DHX57: variants seen among roughly 807,000 people sequenced by gnomAD.
DHX57 encodes the protein putative ATP-dependent RNA helicase DHX57.
Under a neutral mutation model 156.2 loss-of-function variants are expected in DHX57, and 105 were observed. That is an observed-to-expected ratio of 0.67 (90% confidence interval 0.57 to 0.79). DHX57 has a LOEUF of 0.79. Among genes scored for constraint, DHX57 ranks in the 30% least tolerant of loss-of-function variants. The pLI is 0.00. For synonymous variants in DHX57, 704 were observed against 595.6 expected (o/e 1.18, Z -2.65); for missense variants, 1,847 against 1,661.9 (o/e 1.11, Z -1.94).
At chr2:38,810,653 G>T in intron 21 of DHX57, 1 of 674,646 alleles carries the variant, frequency 1.5e-6, no homozygotes, top group Non-Finnish European at 2.8e-6. Context: ...ACTCGGTCCT[G>T]GGACTTGGCA....
chr2:38,855,217 A>T lies in DHX57; in HGVS notation c.1745T>A (p.Leu582Gln). The change falls in exon 8 of 24, where the codon CTG (leucine) becomes CAG (glutamine). Residue 582 changes from leucine (L) to glutamine (Q), a missense_variant. By Grantham distance (113) the Leu-to-Gln change is moderately radical. Coordinates refer to ENST00000457308, the MANE Select transcript of DHX57 (RefSeq NM_198963.3). ...AGGTGGTCCATTCAGAGAATCATCC[A>T]GAATAAACTGCGGAATTTGTGTGGT... ...GKTTQIPQFI[L>Q]DDSLNGPPEK... is the part of the protein sequence containing the mutation. 6.2e-7 allele frequency: 1 copy of T among 1,614,218 alleles called. No individual in the cohort carries two copies. Among genetic ancestry groups the T allele is most frequent in the South Asian group, 1.1e-5 (1 of 91,086 alleles).
intron 21 of DHX57, 96 bp from the exon 22 acceptor site, chr2:38,806,789 T>C (rs1669961191): frequency 5.6e-6 from 7 of 1,256,496 alleles, no homozygotes; most frequent in Non-Finnish European, 7.6e-6. Flanking sequence ...TCTTGCTCAG[T>C]CTTGCTTGAA....
chr2:38,847,119 C>T (rs1672330055), intron 10 of DHX57, 46 bp from the exon 11 acceptor site: 1 of 1,455,056 alleles, frequency 6.9e-7, no homozygotes. Context: ...AACACCCATT[C>T]AACCATCTTG....
Position 38,869,659 on chromosome 2 carries a change from A to C in DHX57, c.-6-1248T>G, listed in dbSNP as rs950837153. ...CGTAGGAGGGAAATAGACTTCACTAAAATATTCTAGCCAGTCACTAAAAAT... is the reference window on the plus strand; with the variant it reads ...CGTAGGAGGGAAATAGACTTCACTACAATATTCTAGCCAGTCACTAAAAAT... On this transcript the variant is annotated intron_variant, in intron 1 of 23. Coordinates refer to ENST00000457308, the MANE Select transcript of DHX57 (RefSeq NM_198963.3). Among the ~76,000 whole-genome samples the C allele has an allele frequency of 2.6e-5, 4 of 152,270 alleles. No individual in the cohort carries two copies. In the South Asian group the frequency reaches 8.3e-4, roughly 31 times the overall value.
Position 38,855,165 on chromosome 2 carries a change from G to A in DHX57, c.1797C>T (p.Thr599=), listed in dbSNP as rs1274523918. The change falls in exon 8 of 24, where the codon ACC becomes ACT. Residue 599 remains threonine, a synonymous_variant. Coordinates refer to ENST00000457308, the MANE Select transcript of DHX57 (RefSeq NM_198963.3). ...AGATTGCAGAGATTCGTCGGGGTTGGGTACAGATGATGTTGGCTACCTTCT... is the reference window on the plus strand; with the variant it reads ...AGATTGCAGAGATTCGTCGGGGTTGAGTACAGATGATGTTGGCTACCTTCT... ...PPEKVANIIC[T]QPRRISAISV... 2 of 1,613,986 alleles carry A rather than the reference G, an allele frequency of 1.2e-6. No homozygotes were observed. The highest frequency in any genetic ancestry group is 4.5e-5 in the East Asian group (2 of 44,858).
chr2:38,840,368 T>C (rs1461136037), intron 12 of DHX57, among the ~76,000 whole-genome samples: 3 of 151,212 alleles, frequency 2.0e-5, no homozygotes, highest in Non-Finnish European at 4.4e-5. Context: ...AACATTGAGA[T>C]CAACAAATTC....
At chr2:38,832,324 C>CA (rs1341194420) in intron 13 of DHX57, among the ~76,000 whole-genome samples, 1 of 151,854 alleles carries the variant, frequency 6.6e-6, no homozygotes, top group African/African-American at 2.4e-5. Flanking sequence ...CCTGTAGTCC[C>CA]AGCTACACGG....
chr2:38,813,973 T>C lies in DHX57; in HGVS notation c.3607-78A>G. On this transcript the variant is annotated intron_variant, in intron 20 of 23. Coordinates refer to ENST00000457308, the MANE Select transcript of DHX57 (RefSeq NM_198963.3). Reference sequence around the variant, plus strand: ...TTCTTTTTGAGATGGAGTCTTGCTCTGTCACCCAGGCAAGTGTGCAGTGGC... The same window carrying C: ...TTCTTTTTGAGATGGAGTCTTGCTCCGTCACCCAGGCAAGTGTGCAGTGGC... 4 of 1,517,262 alleles carry C rather than the reference T, an allele frequency of 2.6e-6. No homozygotes were observed. The South Asian group carries it at 4.5e-5, about 17-fold the overall frequency. 94.0% of individuals were successfully genotyped at this position (1,517,262 alleles called of 1,614,324 possible). A position where few individuals can be genotyped will look rare whatever the true frequency, so the allele number is the denominator to read the frequency against.
intron 12 of DHX57, 143 bp from the exon 13 acceptor site, chr2:38,838,090 A>G (rs1057002646): frequency 6.3e-6 from 4 of 630,538 alleles, no homozygotes; most frequent in Non-Finnish European, 5.6e-6. Context: ...AATGTACTGA[A>G]ATGAACTTTT....
Position 38,813,877 on chromosome 2 carries a change from T to C in DHX57, c.3625A>G (p.Asn1209Asp). Reference protein sequence around the residue: ...TGEEANSNAENPKLISAMLCA... With the variant: ...TGEEANSNAEDPKLISAMLCA... ...AGCATTGCTGATATCAGCTTGGGGTTCTCAGCATTTGAGTTTGCCTATGAG... is the reference window on the plus strand; with the variant it reads ...AGCATTGCTGATATCAGCTTGGGGTCCTCAGCATTTGAGTTTGCCTATGAG... Residue 1209 changes from asparagine to aspartate, a missense_variant, in exon 21 of 24, where the codon AAC (asparagine) becomes GAC (aspartate). Asn to Asp is a conservative substitution (Grantham distance 23, BLOSUM62 1). Coordinates refer to ENST00000457308, the MANE Select transcript of DHX57 (RefSeq NM_198963.3). The C allele has an allele frequency of 6.2e-7, 1 of 1,613,494 alleles. No homozygotes were observed. Among genetic ancestry groups the C allele is most frequent in the Non-Finnish European group, 8.5e-7 (1 of 1,179,522 alleles).
chr2:38,821,033 T>C (rs956077233), intron 17 of DHX57, among the ~76,000 whole-genome samples: 1 of 152,044 alleles, frequency 6.6e-6, no homozygotes, highest in Non-Finnish European at 1.5e-5. Context: ...AAATATGTTC[T>C]CTGTTCACAG....
At chr2:38,867,395 C>T (rs1451893316) in intron 2 of DHX57, among the ~76,000 whole-genome samples, 2 of 152,092 alleles carry the variant, frequency 1.3e-5, no homozygotes, top group African/African-American at 4.8e-5. Flanking sequence ...ACTAGAATTC[C>T]CATAATTTAT....
At chr2:38,851,528 G>A (rs1041981719) in intron 9 of DHX57, among the ~76,000 whole-genome samples, 4 of 152,100 alleles carry the variant, frequency 2.6e-5, no homozygotes, top group Middle Eastern at 6.8e-3. Context: ...ACTGGTATTT[G>A]TAAATATTTG....
intron 12 of DHX57, among the ~76,000 whole-genome samples, chr2:38,839,607 G>C (rs1421031470): frequency 6.6e-6 from 1 of 151,598 alleles, no homozygotes; most frequent in Non-Finnish European, 1.5e-5. Context: ...TGTAATCCCA[G>C]CTACTTGGGA....
intron 10 of DHX57, among the ~76,000 whole-genome samples, chr2:38,847,910 C>T (rs758564817): frequency 1.3e-5 from 2 of 151,970 alleles, no homozygotes; most frequent in South Asian, 2.1e-4. Context: ...AGTGAAACCC[C>T]GTCTCTACTA....
rs1669458466 is a variant in DHX57, at chr2:38,797,807, A to C, written c.*492T>G. ...TTTACTCAGTAGCCAATAGCCTAAAATGAAATTTTAATTTTGCTTGTTCAC... is the reference window on the plus strand; with the variant it reads ...TTTACTCAGTAGCCAATAGCCTAAACTGAAATTTTAATTTTGCTTGTTCAC... On this transcript the variant is annotated 3_prime_UTR_variant, in exon 24 of 24. Transcript: ENST00000457308. 6.3e-6 allele frequency: 1 copy of C among 158,076 alleles called. No homozygotes were observed. The highest frequency in any genetic ancestry group is 1.5e-5 in the Non-Finnish European group (1 of 68,274). 9.8% of individuals were successfully genotyped at this position (158,076 alleles called of 1,614,324 possible).
intron 21 of DHX57, among the ~76,000 whole-genome samples, chr2:38,812,024 G>A (rs1379520038): frequency 1.3e-5 from 2 of 151,938 alleles, no homozygotes; most frequent in East Asian, 1.9e-4. Flanking sequence ...CTCCCAAAGT[G>A]CTTGGATTAT....
intron 20 of DHX57, 82 bp downstream of exon 20, chr2:38,815,439 G>C: frequency 6.4e-7 from 1 of 1,558,362 alleles, no homozygotes; most frequent in East Asian, 2.2e-5. Flanking sequence ...AAGTGAAGAA[G>C]AATGTCTACA....
At chr2:38,867,960 C>T (rs1454758304) in intron 2 of DHX57, among the ~76,000 whole-genome samples, 5 of 152,194 alleles carry the variant, frequency 3.3e-5, no homozygotes, top group African/African-American at 9.6e-5. Context: ...TTCCTAGTAA[C>T]ACTGGGTATA....
Sources: gnomAD v4.1 joint callset for allele counts (sites outside exome capture counted in the v4.1 genomes callset) on GRCh38, gnomAD v4.1.1 for gene constraint, MANE v1.5 for transcripts, NCBI Gene and HGNC (gene_info 2026-07-23, HGNC 2026-07-21) for gene names.